Variants in KLHL4 observed in about 807,000 individuals in gnomAD.
KLHL4 encodes the protein kelch like family member 4, also known as kelch-like protein 4.
KLHL4 carries 17 observed loss-of-function variants against 45.8 expected under a neutral mutation model. The observed-to-expected ratio is 0.37, with a 90% CI of 0.25 to 0.56. KLHL4 has a LOEUF of 0.56. Ranked by LOEUF, KLHL4 falls within the 20% of genes least tolerant of loss-of-function variation. The pLI is 0.79. For missense variants in KLHL4, 544 were observed against 544.9 expected (o/e 1.00, Z 0.02); for synonymous variants, 224 against 189.9 (o/e 1.18, Z -1.47).
intron 1 of KLHL4, among the ~76,000 whole-genome samples, chrX:87,593,490 T>G (rs1412302043): frequency 8.9e-6 from 1 of 111,883 alleles, no homozygotes; most frequent in Non-Finnish European, 1.9e-5. Context: ...ATTTTTAAAA[T>G]TGTAGTTATT....
intron 9 of KLHL4, among the ~76,000 whole-genome samples, chrX:87,636,484 C>T (rs1923266792): frequency 8.9e-6 from 1 of 111,915 alleles, no homozygotes; most frequent in East Asian, 2.8e-4. Flanking sequence ...AATCCACAGA[C>T]CCTCTGAGGG....
intron 3 of KLHL4, among the ~76,000 whole-genome samples, chrX:87,615,241 C>A (rs1221935276): frequency 1.8e-5 from 2 of 110,671 alleles, no homozygotes; most frequent in Admixed American, 1.9e-4. Flanking sequence ...TTACATTTTT[C>A]CATTAATGAC....
chrX:87,567,296 TAAAA>T (rs897532543), intron 1 of KLHL4, among the ~76,000 whole-genome samples: 1 of 110,042 alleles, frequency 9.1e-6, no homozygotes, highest in African/African-American at 3.3e-5. Context: ...CATAAACAAA[TAAAA>T]AAAAGAAAGT....
intron 1 of KLHL4, among the ~76,000 whole-genome samples, chrX:87,540,276 T>G (rs895857633): frequency 4.5e-5 from 5 of 111,174 alleles, no homozygotes; most frequent in Non-Finnish European, 9.4e-5. Flanking sequence ...TTAAAATATG[T>G]TTTTAATAAT....
In KLHL4 at chrX:87,583,771, C is replaced by A. The variant is rs760806783; in HGVS notation, c.423-30106C>A. Among the ~76,000 whole-genome samples, 8 of 111,078 alleles carry A rather than the reference C, an allele frequency of 7.2e-5. No homozygotes were observed. In the Admixed American group the frequency reaches 7.6e-4, roughly 11 times the overall value. ...CCAGCTGTAATGGCCATAGGACAAA[C>A]CTCCTTCTGCTTGAAAAAAGCAGAG... On this transcript the variant is annotated intron_variant, in intron 1 of 10. Coordinates refer to ENST00000373119, the MANE Select transcript of KLHL4 (RefSeq NM_019117.5).
At chrX:87,649,542 A>AT (rs1470838696) in intron 9 of KLHL4, among the ~76,000 whole-genome samples, 1 of 111,295 alleles carries the variant, frequency 9.0e-6, no homozygotes, top group African/African-American at 3.3e-5. Context: ...CAATTTATAT[A>AT]TTTTTTCTTG....
chrX:87,602,034 TAATA>T (rs1007114284), intron 1 of KLHL4, among the ~76,000 whole-genome samples: 22 of 110,708 alleles, frequency 2.0e-4, no homozygotes, highest in African/African-American at 6.9e-4. Context: ...AAAGCAAAAT[TAATA>T]AATAAAATTA....
chrX:87,559,252 A>T (rs1014195588), intron 1 of KLHL4, among the ~76,000 whole-genome samples: 10 of 112,054 alleles, frequency 8.9e-5, no homozygotes, highest in African/African-American at 2.9e-4. Flanking sequence ...TTAGCTCACA[A>T]ACCCTACACA....
rs749023774 is a variant in KLHL4, at chrX:87,649,873, G to A, written c.1925+14098G>A. Among the ~76,000 whole-genome samples, 10 of 111,118 alleles carry A rather than the reference G, an allele frequency of 9.0e-5. No individual in the cohort carries two copies. The South Asian group carries it at 3.8e-3, about 42-fold the overall frequency. ...TGTACTGTGTTCCATTGGTCTTTAT[G>A]TCTGTCTTTATGCCAGTACCTCACT... On this transcript the variant is annotated intron_variant, in intron 9 of 10. Coordinates refer to ENST00000373119, the MANE Select transcript of KLHL4 (RefSeq NM_019117.5).
intron 1 of KLHL4, among the ~76,000 whole-genome samples, chrX:87,565,685 CAAAAAAAAAAAAAAA>C (rs748577568): frequency 2.7e-4 from 7 of 26,266 alleles, no homozygotes; most frequent in African/African-American, 1.1e-3. Flanking sequence ...GTGATTGTGC[CAAAAAAAAAAAAAAA>C]AAAAAAAAAA....
intron 1 of KLHL4, among the ~76,000 whole-genome samples, chrX:87,548,724 ATAT>A (rs1225800627): frequency 9.1e-6 from 1 of 110,024 alleles, no homozygotes; most frequent in Admixed American, 9.8e-5. Flanking sequence ...GATAAAGGTA[ATAT>A]TAACAAGTCT....
chrX:87,580,968 C>T (rs1286440915), intron 1 of KLHL4, among the ~76,000 whole-genome samples: 1 of 111,669 alleles, frequency 9.0e-6, no homozygotes, highest in Non-Finnish European at 1.9e-5. Flanking sequence ...GGACAGAGTA[C>T]CTAAATGTAG....
At chrX:87,597,930 G>A (rs930448347) in intron 1 of KLHL4, among the ~76,000 whole-genome samples, 1 of 109,879 alleles carries the variant, frequency 9.1e-6, no homozygotes, top group African/African-American at 3.3e-5. Flanking sequence ...TCTCAATGAC[G>A]AGAGCACTAA....
intron 1 of KLHL4, among the ~76,000 whole-genome samples, chrX:87,541,271 G>A (rs1432284458): frequency 9.2e-6 from 1 of 109,015 alleles, no homozygotes; most frequent in Non-Finnish European, 1.9e-5. Flanking sequence ...TGGATCATGA[G>A]GTCAAGAGAT....
intron 1 of KLHL4, among the ~76,000 whole-genome samples, chrX:87,563,401 A>T (rs1221845540): frequency 9.1e-6 from 1 of 109,894 alleles, no homozygotes; most frequent in Admixed American, 9.9e-5. Context: ...AAGATAACAC[A>T]GAGAAGAAAT....
chrX:87,612,485 A>T (rs1441675384), intron 1 of KLHL4, among the ~76,000 whole-genome samples: 2 of 111,657 alleles, frequency 1.8e-5, no homozygotes, highest in Non-Finnish European at 3.8e-5. Flanking sequence ...AGGCTAGGTC[A>T]TGTAGCTTTG....
At position 87,666,526 on chromosome X, in the gene KLHL4, C is replaced by G; in HGVS notation, c.2149C>G (p.Leu717Val). Residue 717 changes from leucine to valine, a missense_variant, in exon 11 of 11, where the codon CTA (leucine) becomes GTA (valine). Physicochemically the swap from Leu to Val is conservative, Grantham distance 32. Coordinates refer to ENST00000373119, the MANE Select transcript of KLHL4 (RefSeq NM_019117.5). Reference sequence around the variant, plus strand: ...TGGTGCATGTGTTGTAGTGGTGAAGCTACCCTAAAGCTATCTATCTTTATC... The same window carrying G: ...TGGTGCATGTGTTGTAGTGGTGAAGGTACCCTAAAGCTATCTATCTTTATC... ...RAGACVVVVK[L>V]P 1 of 1,197,078 alleles carries G rather than the reference C, an allele frequency of 8.4e-7. No homozygotes were observed. Among genetic ancestry groups the G allele is most frequent in the Non-Finnish European group, 1.1e-6 (1 of 886,559 alleles).
chrX:87,619,475 T>C (rs1320409328), intron 4 of KLHL4, among the ~76,000 whole-genome samples: 1 of 111,705 alleles, frequency 9.0e-6, no homozygotes, highest in Non-Finnish European at 1.9e-5. Flanking sequence ...AAATATATCA[T>C]TTAATTACAC....
chrX:87,639,985 C>T (rs1923399983), intron 9 of KLHL4, among the ~76,000 whole-genome samples: 1 of 110,501 alleles, frequency 9.0e-6, no homozygotes, highest in Non-Finnish European at 1.9e-5. Flanking sequence ...TTCAAATAAG[C>T]CCAATTAGAA....
Sources: allele counts gnomAD v4.1 joint callset (sites outside exome capture counted in the v4.1 genomes callset), GRCh38; gene constraint gnomAD v4.1.1; transcripts MANE v1.5; gene names NCBI Gene and HGNC (gene_info 2026-07-23, HGNC 2026-07-21).